DCTN2: variants seen among roughly 807,000 people sequenced by gnomAD.
DCTN2 encodes dynactin subunit 2.
A neutral mutation model predicts 55.4 loss-of-function variants in DCTN2; 18 were observed. The observed-to-expected ratio is 0.32, with a 90% CI of 0.22 to 0.48. The LOEUF (loss-of-function observed/expected upper bound fraction) is 0.48, where lower values mean the gene tolerates loss of function less well. Among genes scored for constraint, DCTN2 ranks in the 20% least tolerant of loss-of-function variants. The probability of loss-of-function intolerance (pLI) is 0.99; values close to 1 mark genes in which losing one functional copy is unlikely to be tolerated. For missense variants in DCTN2, 390 were observed against 491.0 expected (o/e 0.79, Z 1.94); for synonymous variants, 168 against 185.2 (o/e 0.91, Z 0.76).
At chr12:57,543,368 AG>A (rs1252800515) in intron 2 of DCTN2, among the ~76,000 whole-genome samples, 33 of 150,286 alleles carry the variant, frequency 2.2e-4, no homozygotes, top group African/African-American at 6.4e-4. Context: ...AGAAAAAAAA[AG>A]AAGGTGACTG....
intron 2 of DCTN2, among the ~76,000 whole-genome samples, chr12:57,539,117 CTT>C (rs775719139): frequency 1.1e-4 from 16 of 152,314 alleles, no homozygotes; most frequent in Non-Finnish European, 2.1e-4. Context: ...TCTGATATGA[CTT>C]TAGGTGAGAC....
At chr12:57,545,289 C>T (rs1413835454) in intron 2 of DCTN2, among the ~76,000 whole-genome samples, 1 of 152,170 alleles carries the variant, frequency 6.6e-6, no homozygotes, top group Non-Finnish European at 1.5e-5. Flanking sequence ...GATTTCCATT[C>T]ACTCAATTTT....
At chr12:57,541,408 G>A (rs1442575634) in intron 2 of DCTN2, 2 of 1,598,806 alleles carry the variant, frequency 1.3e-6, no homozygotes, top group Non-Finnish European at 1.7e-6. Flanking sequence ...AGGGAGGATG[G>A]GGGAAGCATT....
chr12:57,538,600 GA>G (rs60516272), intron 2 of DCTN2: 75 of 703,880 alleles, frequency 1.1e-4, no homozygotes, highest in East Asian at 5.2e-4. Flanking sequence ...ATGAGGGAGG[GA>G]AAAAAAAGAC....
In DCTN2 at chr12:57,547,043, G is replaced by A. The variant is rs746246714; in HGVS notation, c.21C>T (p.Ala7=). MADPKY[A]DLPGIARNEP... is the part of the protein sequence containing the mutation. ...CTGTACTCACAATGCCGGGAAGGTC[G>A]GCGTATTTAGGGTCCGCCATGGCGG... The change falls in exon 1 of 14, where the codon GCC becomes GCT. Residue 7 remains alanine, a synonymous_variant. Transcript: ENST00000548249. The A allele has an allele frequency of 7.8e-7, 1 of 1,287,114 alleles. No homozygotes were observed. The allele number at this position is 1,287,114 out of a possible 1,614,324, so 79.7% of individuals were successfully genotyped here.
At chr12:57,533,499 C>T (rs1249099283) in intron 7 of DCTN2, among the ~76,000 whole-genome samples, 196 bp from the exon 8 acceptor site, 2 of 152,150 alleles carry the variant, frequency 1.3e-5, no homozygotes, top group African/African-American at 2.4e-5. Flanking sequence ...AGGTCGGGCG[C>T]GGTGGCTCAC....
chr12:57,541,619 G>T (rs1365591564), intron 2 of DCTN2, among the ~76,000 whole-genome samples: 1 of 152,146 alleles, frequency 6.6e-6, no homozygotes, highest in Admixed American at 6.5e-5. Context: ...ACTGCGGGTA[G>T]TTATGCCATA....
intron 10 of DCTN2, 30 bp from the exon 11 acceptor site, chr12:57,532,673 G>T: frequency 6.2e-7 from 1 of 1,613,548 alleles, no homozygotes; most frequent in Non-Finnish European, 8.5e-7. Flanking sequence ...GGTTGATAGG[G>T]CATCCAGGGC....
Position 57,533,836 on chromosome 12 carries a change from AAGAGGAATC to A in DCTN2, c.669+108_669+116del, listed in dbSNP as rs967147451. 12 of 1,095,000 alleles carry A rather than the reference AAGAGGAATC, an allele frequency of 1.1e-5. No individual in the cohort carries two copies. In the South Asian group the frequency reaches 1.6e-4, roughly 14 times the overall value. The allele number at this position is 1,095,000 out of a possible 1,614,324, so 67.8% of individuals were successfully genotyped here. A position where few individuals can be genotyped will look rare whatever the true frequency, so the allele number is the denominator to read the frequency against. ...TCAGGAATCAAAAGAGGAATCAATC[AAGAGGAATC>A]AGAGGAATCAGAAGCCTTCCCAGCA... On this transcript the variant is annotated intron_variant, in intron 7 of 13. Coordinates refer to ENST00000548249, the MANE Select transcript of DCTN2 (RefSeq NM_001261413.2).
intron 4 of DCTN2, 48 bp from the exon 5 acceptor site, chr12:57,535,202 G>T: frequency 7.4e-6 from 11 of 1,489,316 alleles, no homozygotes; most frequent in Non-Finnish European, 1.0e-5. Flanking sequence ...ATTACAGGGA[G>T]CCTCAAGAAT....
intron 1 of DCTN2, among the ~76,000 whole-genome samples, chr12:57,546,579 C>T (rs1488863332): frequency 6.6e-6 from 1 of 151,854 alleles, no homozygotes; most frequent in East Asian, 1.9e-4. Flanking sequence ...GGCATAGGTT[C>T]CCTCAAGGAT....
intron 2 of DCTN2, among the ~76,000 whole-genome samples, chr12:57,537,278 G>A (rs564696039): frequency 6.7e-6 from 1 of 149,924 alleles, no homozygotes; most frequent in African/African-American, 2.5e-5. Context: ...AGGATGCAGT[G>A]AGCAGAGATC....
intron 2 of DCTN2, chr12:57,544,169 T>G (rs1448430977): frequency 1.3e-5 from 6 of 447,840 alleles, no homozygotes; most frequent in African/African-American, 1.2e-4. Context: ...TGCAGTAAAG[T>G]TCTCAGCATA....
In DCTN2 at chr12:57,530,816, G is replaced by C. The variant is rs759174936; in HGVS notation, c.1120-41C>G. On this transcript the variant is annotated intron_variant, in intron 13 of 13. Coordinates refer to ENST00000548249, the MANE Select transcript of DCTN2 (RefSeq NM_001261413.2). ...GAGGTTTTACTCTTTGTCAGGTCCA[G>C]TTGCTTAACTGGATGAGGACCTGAA... 1.4e-5 allele frequency: 21 copies of C among 1,514,386 alleles called. 1 individual carries two copies. The South Asian group carries it at 1.6e-4, about 11-fold the overall frequency. The allele number at this position is 1,514,386 out of a possible 1,614,324, so 93.8% of individuals were successfully genotyped here. A position where few individuals can be genotyped will look rare whatever the true frequency, so the allele number is the denominator to read the frequency against.
chr12:57,533,191 G>C (rs1350974089), intron 8 of DCTN2, 47 bp downstream of exon 8: 7 of 1,600,064 alleles, frequency 4.4e-6, no homozygotes, highest in Non-Finnish European at 5.1e-6. Context: ...TTAAGGCCTA[G>C]AGTTGCAGGA....
In DCTN2 at chr12:57,547,179, G is replaced by T. The variant is rs2091998158; in HGVS notation, c.-116C>A. 8.4e-6 allele frequency: 7 copies of T among 832,544 alleles called. No homozygotes were observed. In the South Asian group the frequency reaches 3.6e-4, roughly 42 times the overall value. The allele number at this position is 832,544 out of a possible 1,614,324, so 51.6% of individuals were successfully genotyped here. A position where few individuals can be genotyped will look rare whatever the true frequency, so the allele number is the denominator to read the frequency against. On this transcript the variant is annotated 5_prime_UTR_variant, in exon 1 of 14. In the 5' UTR this introduces an upstream ATG that the reference lacks. Coordinates refer to ENST00000548249, the MANE Select transcript of DCTN2 (RefSeq NM_001261413.2). Reference sequence around the variant, plus strand: ...TAAGGCGGCGGCAAAGGGAGCGGCAGATGAGCAGGAAGTCTCGCGACAGCA... The same window carrying T: ...TAAGGCGGCGGCAAAGGGAGCGGCATATGAGCAGGAAGTCTCGCGACAGCA...
At chr12:57,535,650 C>T in intron 3 of DCTN2, 99 bp downstream of exon 3, 1 of 1,521,072 alleles carries the variant, frequency 6.6e-7, no homozygotes, top group Non-Finnish European at 9.1e-7. Flanking sequence ...TGAGGGACCC[C>T]TTCCCCCAAG....
chr12:57,545,970 C>T, intron 2 of DCTN2, 58 bp downstream of exon 2: 1 of 1,570,126 alleles, frequency 6.4e-7, no homozygotes, highest in Non-Finnish European at 8.8e-7. Context: ...AAGGGAAGGA[C>T]CTGTCTAGGG....
intron 2 of DCTN2, chr12:57,541,317 T>C (rs1364463929): frequency 2.5e-6 from 4 of 1,592,934 alleles, no homozygotes; most frequent in East Asian, 4.5e-5. Context: ...GCATGCGAGA[T>C]GGCAGATGAA....
Sources: gnomAD v4.1 joint callset for allele counts (sites outside exome capture counted in the v4.1 genomes callset) on GRCh38, gnomAD v4.1.1 for gene constraint, MANE v1.5 for transcripts, NCBI Gene and HGNC (gene_info 2026-07-23, HGNC 2026-07-21) for gene names.